The following SEMA3E variants were observed in gnomAD, a reference collection of about 807,000 sequenced individuals.
SEMA3E encodes semaphorin 3E, also known as semaphorin-3E.
SEMA3E carries 49 observed loss-of-function variants against 93.6 expected under a neutral mutation model. The observed-to-expected ratio is 0.52, with a 90% CI of 0.42 to 0.66. The LOEUF (loss-of-function observed/expected upper bound fraction) is 0.66. Ranked by LOEUF, SEMA3E falls within the 30% of genes least tolerant of loss-of-function variation. The pLI is 0.00. For synonymous variants in SEMA3E, 363 were observed against 330.7 expected, an observed-to-expected ratio of 1.10 and a Z score of -1.06; for missense variants, 906 against 964.8, an observed-to-expected ratio of 0.94 and a Z score of 0.81.
At chr7:83,641,988 G>T (rs1794017842) in intron 1 of SEMA3E, among the ~76,000 whole-genome samples, 1 of 152,172 alleles carries the variant, frequency 6.6e-6, no homozygotes, top group African/African-American at 2.4e-5. Context: ...CTCATGCCAT[G>T]CAGTCTGAAG....
intron 2 of SEMA3E, among the ~76,000 whole-genome samples, chr7:83,483,061 C>T (rs1790181512): frequency 6.6e-6 from 1 of 151,210 alleles, no homozygotes; most frequent in Non-Finnish European, 1.5e-5. Context: ...AATTATGGAT[C>T]AGGAGTTAAC....
rs143123353 is a variant in SEMA3E at position 83,500,536 on chromosome 7, T to C, written c.116-10262A>G. Reference sequence around the variant, plus strand: ...CTACCAAATGCTTTCAGTAGTACAATAGCCCATATTTTATAGGTATGATCA... The same window carrying C: ...CTACCAAATGCTTTCAGTAGTACAACAGCCCATATTTTATAGGTATGATCA... On this transcript the variant is annotated intron_variant, in intron 1 of 16. Transcript: ENST00000643230. 3.2e-3 allele frequency among the ~76,000 whole-genome samples: 484 copies of C among 149,734 alleles called. 3 individuals carry two copies. Among genetic ancestry groups the C allele is most frequent in the African/African-American group, 0.011 (455 of 41,092 alleles).
At chr7:83,432,104 G>A (rs148161332) in intron 4 of SEMA3E, among the ~76,000 whole-genome samples, 36 of 152,236 alleles carry the variant, frequency 2.4e-4, no homozygotes, top group Non-Finnish European at 3.8e-4. Flanking sequence ...AGACATCTAA[G>A]TGAAGATGTC....
intron 1 of SEMA3E, among the ~76,000 whole-genome samples, chr7:83,589,468 G>A (rs1562845102): frequency 1.3e-5 from 2 of 152,042 alleles, no homozygotes; most frequent in African/African-American, 2.4e-5. Flanking sequence ...GTTGCTCAGC[G>A]CTTATGGAGA....
intron 4 of SEMA3E, among the ~76,000 whole-genome samples, chr7:83,436,222 A>G (rs1789001394): frequency 6.6e-6 from 1 of 151,872 alleles, no homozygotes; most frequent in Non-Finnish European, 1.5e-5. Flanking sequence ...AACGTGTGTT[A>G]AAGATATACA....
intron 4 of SEMA3E, among the ~76,000 whole-genome samples, chr7:83,422,637 G>C (rs1348143947): frequency 6.6e-6 from 1 of 152,150 alleles, no homozygotes; most frequent in Non-Finnish European, 1.5e-5. Context: ...AGCTGACAGT[G>C]ATACTAGGCT....
At chr7:83,632,921 G>A (rs1793815166) in intron 1 of SEMA3E, among the ~76,000 whole-genome samples, 1 of 152,028 alleles carries the variant, frequency 6.6e-6, no homozygotes, top group South Asian at 2.1e-4. Flanking sequence ...CCACCTATCT[G>A]GAAGCCATGG....
chr7:83,505,068 A>G (rs1584294669), intron 1 of SEMA3E, among the ~76,000 whole-genome samples: 1 of 152,200 alleles, frequency 6.6e-6, no homozygotes, highest in South Asian at 2.1e-4. Flanking sequence ...ATGGATTAAG[A>G]TTAGTCATAA....
At chr7:83,580,974 A>G (rs1232727182) in intron 1 of SEMA3E, among the ~76,000 whole-genome samples, 2 of 151,910 alleles carry the variant, frequency 1.3e-5, no homozygotes, top group Non-Finnish European at 1.5e-5. Context: ...TAGATGATGA[A>G]CTAGGACTTT....
chr7:83,406,983 AGG>A (rs1340298249), intron 7 of SEMA3E, 112 bp downstream of exon 7: 15 of 1,219,354 alleles, frequency 1.2e-5, no homozygotes, highest in Non-Finnish European at 1.7e-5. Flanking sequence ...TATCAATTGT[AGG>A]CAGTCTAAAG....
chr7:83,508,411 C>T (rs747862248), intron 1 of SEMA3E, among the ~76,000 whole-genome samples: 16 of 151,796 alleles, frequency 1.1e-4, no homozygotes, highest in South Asian at 8.3e-4. Flanking sequence ...TACAGGCGTG[C>T]GCCACCACAC....
intron 1 of SEMA3E, among the ~76,000 whole-genome samples, chr7:83,502,983 A>T (rs989794563): frequency 3.3e-5 from 5 of 151,252 alleles, no homozygotes; most frequent in African/African-American, 7.3e-5. Flanking sequence ...CCTAATGGAC[A>T]GCAAATATAT....
intron 4 of SEMA3E, among the ~76,000 whole-genome samples, chr7:83,446,847 T>C (rs2115804327): frequency 6.6e-6 from 1 of 152,304 alleles, no homozygotes; most frequent in East Asian, 1.9e-4. Flanking sequence ...AACACTCCCT[T>C]GTGAAGTGTT....
intron 1 of SEMA3E, among the ~76,000 whole-genome samples, chr7:83,555,793 C>T (rs1203875513): frequency 6.6e-6 from 1 of 152,054 alleles, no homozygotes; most frequent in Non-Finnish European, 1.5e-5. Context: ...TTTGCTGTTC[C>T]TTGATTCAAA....
At chr7:83,408,528 A>G in intron 5 of SEMA3E, 41 bp from the exon 6 acceptor site, 1 of 1,606,942 alleles carries the variant, frequency 6.2e-7, no homozygotes, top group Non-Finnish European at 8.5e-7. Context: ...AGTATTTGTT[A>G]ATATGTTAAC....
At chr7:83,401,342 C>T (rs984677970) in intron 10 of SEMA3E, among the ~76,000 whole-genome samples, 3 of 152,066 alleles carry the variant, frequency 2.0e-5, no homozygotes, top group East Asian at 1.9e-4. Context: ...GTTTAGTAAT[C>T]AGATTCCACA....
At chr7:83,531,146 G>C (rs537324126) in intron 1 of SEMA3E, among the ~76,000 whole-genome samples, 10 of 151,742 alleles carry the variant, frequency 6.6e-5, no homozygotes, top group Middle Eastern at 3.4e-3. Flanking sequence ...AAATCATCTT[G>C]CCCTAATATG....
chr7:83,453,869 ATATT>A (rs1307424400), intron 4 of SEMA3E, among the ~76,000 whole-genome samples: 2 of 152,110 alleles, frequency 1.3e-5, no homozygotes, highest in East Asian at 3.9e-4. Context: ...AAATATTCAT[ATATT>A]TATTCTATTA....
chr7:83,387,150 GA>G, intron 14 of SEMA3E, 100 bp from the exon 15 acceptor site: 1 of 910,962 alleles, frequency 1.1e-6, no homozygotes. Context: ...TTCTGCTACT[GA>G]AAAAAATGAT....
Sources: gnomAD v4.1 joint callset for allele counts (sites outside exome capture counted in the v4.1 genomes callset) on GRCh38, gnomAD v4.1.1 for gene constraint, MANE v1.5 for transcripts, NCBI Gene and HGNC (gene_info 2026-07-23, HGNC 2026-07-21) for gene names.